FBXO34: variants seen among roughly 807,000 people sequenced by gnomAD.
FBXO34 encodes F-box protein 34, also known as F-box only protein 34.
A neutral mutation model predicts 24.5 loss-of-function variants in FBXO34; 12 were observed. That is an observed-to-expected ratio of 0.49 (90% CI 0.31 to 0.79). The LOEUF is 0.79. Ranked by LOEUF, FBXO34 falls within the 30% of genes least tolerant of loss-of-function variation. The pLI, the probability that FBXO34 is intolerant of heterozygous loss-of-function variation, is 0.04. For synonymous variants in FBXO34, 320 were observed against 311.9 expected, an observed-to-expected ratio of 1.03 and a Z score of -0.27; for missense variants, 823 against 857.7, an observed-to-expected ratio of 0.96 and a Z score of 0.51.
intron 1 of FBXO34, among the ~76,000 whole-genome samples, chr14:55,313,889 C>G (rs1016195215): frequency 6.6e-6 from 1 of 152,056 alleles, no homozygotes; most frequent in Non-Finnish European, 1.5e-5. Context: ...AAAGCCTAAC[C>G]ATATCACATA....
chr14:55,336,557 T>G (rs760636488), intron 1 of FBXO34, among the ~76,000 whole-genome samples: 4 of 152,184 alleles, frequency 2.6e-5, no homozygotes, highest in Non-Finnish European at 4.4e-5. Context: ...GTTCTCCTTT[T>G]TAAAAACCAA....
At position 55,352,273 on chromosome 14, in the gene FBXO34, G is replaced by C; in HGVS notation, c.1883G>C (p.Arg628Thr). 1 of 1,614,210 alleles carries C rather than the reference G, an allele frequency of 6.2e-7. No individual in the cohort carries two copies. Among genetic ancestry groups the C allele is most frequent in the Non-Finnish European group, 8.5e-7 (1 of 1,180,032 alleles). Residue 628 changes from arginine (R) to threonine (T), a missense_variant, in exon 2 of 2, where the codon AGA (arginine) becomes ACA (threonine). Around this residue, in one of 2 missense-constraint regions of FBXO34, gnomAD observed 130 missense variants for 198.6 expected, o/e 0.65. Coordinates refer to ENST00000313833, the MANE Select transcript of FBXO34 (RefSeq NM_017943.4). Reference sequence around the variant, plus strand: ...CGCTGGGTTCGAGATCCACGCTATAGAGAGGATCCTTGCAAACAGTGCAAG... The same window carrying C: ...CGCTGGGTTCGAGATCCACGCTATACAGAGGATCCTTGCAAACAGTGCAAG... Reference protein sequence around the residue: ...DSRWVRDPRYREDPCKQCKKK... With the variant: ...DSRWVRDPRYTEDPCKQCKKK...
chr14:55,397,388 C>T, the FBXO34 span: 2 of 1,613,428 alleles, frequency 1.2e-6, no homozygotes, highest in Non-Finnish European at 1.7e-6. Context: ...TGAAATTCTT[C>T]TTGCTTGCTC....
At chr14:55,342,475 C>T (rs1028841695) in intron 1 of FBXO34, among the ~76,000 whole-genome samples, 7 of 152,072 alleles carry the variant, frequency 4.6e-5, no homozygotes, top group Admixed American at 1.3e-4. Context: ...AAAAGTCATC[C>T]CCCAATATTT....
the FBXO34 span, among the ~76,000 whole-genome samples, chr14:55,442,569 T>C: frequency 6.6e-6 from 1 of 152,200 alleles, no homozygotes. Context: ...AAGCACATTA[T>C]AGTAGAGACA....
intron 1 of FBXO34, among the ~76,000 whole-genome samples, chr14:55,306,211 T>C (rs898059151): frequency 6.6e-6 from 1 of 152,238 alleles, no homozygotes; most frequent in East Asian, 1.9e-4. Context: ...TGGACTTCAT[T>C]ATGATTAGGG....
At chr14:55,442,720 C>CGTT in the FBXO34 span, among the ~76,000 whole-genome samples, 19 of 92,690 alleles carry the variant, frequency 2.0e-4, no homozygotes, top group Admixed American at 2.4e-3. Context: ...ATAACCTACA[C>CGTT]ATTTTTTTAG....
At chr14:55,408,604 C>G in the FBXO34 span, among the ~76,000 whole-genome samples, 1 of 152,064 alleles carries the variant, frequency 6.6e-6, no homozygotes, top group Admixed American at 6.6e-5. Context: ...GACCCTGTCT[C>G]TACAAAAAAT....
intron 1 of FBXO34, among the ~76,000 whole-genome samples, chr14:55,279,384 C>T (rs1310976498): frequency 6.6e-6 from 1 of 151,604 alleles, no homozygotes; most frequent in Non-Finnish European, 1.5e-5. Flanking sequence ...AACGAAAGAT[C>T]ATGTGATAGG....
intron 1 of FBXO34, among the ~76,000 whole-genome samples, chr14:55,304,026 G>A (rs7148171): frequency 6.6e-6 from 1 of 152,018 alleles, no homozygotes; most frequent in South Asian, 2.1e-4. Flanking sequence ...CCATCTGATA[G>A]AGGGAAAGAA....
At chr14:55,405,782 ATTC>A in the FBXO34 span, among the ~76,000 whole-genome samples, 2 of 150,674 alleles carry the variant, frequency 1.3e-5, no homozygotes, top group Non-Finnish European at 3.0e-5. Flanking sequence ...GCCTAATATC[ATTC>A]TTCTTCTTCA....
In FBXO34 at chr14:55,331,695, A is replaced by G. The variant is rs1298869203; in HGVS notation, c.-10-18686A>G. Among the ~76,000 whole-genome samples the G allele has an allele frequency of 7.5e-5, 5 of 66,828 alleles. 2 individuals are homozygous for G. The highest frequency in any genetic ancestry group is 3.8e-4 in the East Asian group (1 of 2,600). 43.8% of individuals were successfully genotyped at this position (66,828 alleles called of 152,430 possible). A position where few individuals can be genotyped will look rare whatever the true frequency, so the allele number is the denominator to read the frequency against. ...TGTATATATATATATGTGTATATAT[A>G]TATATATATGTATATATATATGTAT... is the stretch of plus-strand genomic sequence containing the variant. On this transcript the variant is annotated intron_variant, in intron 1 of 1. Coordinates refer to ENST00000313833, the MANE Select transcript of FBXO34 (RefSeq NM_017943.4).
the FBXO34 span, among the ~76,000 whole-genome samples, chr14:55,442,253 G>A: frequency 6.6e-6 from 1 of 151,544 alleles, no homozygotes; most frequent in Non-Finnish European, 1.5e-5. Context: ...GCTGGGCATG[G>A]TAGTGTGCGC....
chr14:55,332,422 C>T (rs558393328), intron 1 of FBXO34, among the ~76,000 whole-genome samples: 5 of 152,166 alleles, frequency 3.3e-5, no homozygotes, highest in South Asian at 2.1e-4. Flanking sequence ...AAGTGTGAAC[C>T]GAGGTCTGGA....
At position 55,351,065 on chromosome 14, in the gene FBXO34, T is replaced by C. The variant is rs759192782; in HGVS notation, c.675T>C (p.Cys225=). ...GAGCCAGTGCTCTGCTAGCTAGCTG[T>C]TCAAAAAACTGCACAAACTCACCTG... ...EQRASALLAS[C]SKNCTNSPAI... is the part of the protein sequence containing the mutation. Residue 225 remains cysteine, a synonymous_variant, in exon 2 of 2, where the codon TGT becomes TGC. Transcript: ENST00000313833. 2 of 1,614,200 alleles carry C rather than the reference T, an allele frequency of 1.2e-6. No homozygotes were observed. Among genetic ancestry groups the C allele is most frequent in the South Asian group, 2.2e-5 (2 of 91,074 alleles).
At chr14:55,284,580 C>T (rs1223402488) in intron 1 of FBXO34, among the ~76,000 whole-genome samples, 1 of 146,674 alleles carries the variant, frequency 6.8e-6, no homozygotes, top group African/African-American at 2.5e-5. Context: ...GGGACCTAGC[C>T]TCTGGATTTT....
Position 55,351,868 on chromosome 14 carries a change from A to T in FBXO34, c.1478A>T (p.Asp493Val), listed in dbSNP as rs1409998809. The T allele has an allele frequency of 6.2e-7, 1 of 1,614,226 alleles. No homozygotes were observed. The highest frequency in any genetic ancestry group is 1.7e-5 in the Admixed American group (1 of 60,028). The change falls in exon 2 of 2, where the codon GAC becomes GTC. Residue 493 changes from aspartate (D) to valine (V), a missense_variant. Coordinates refer to ENST00000313833, the MANE Select transcript of FBXO34 (RefSeq NM_017943.4). ...FFLPPGQHLS[D>V]YSQLNESTTK... ...TTGCCACCTGGTCAGCACTTGTCAGACTATTCCCAGTTGAATGAAAGCACA... is the reference window on the plus strand; with the variant it reads ...TTGCCACCTGGTCAGCACTTGTCAGTCTATTCCCAGTTGAATGAAAGCACA...
the FBXO34 span, chr14:55,397,501 T>C: frequency 1.6e-6 from 2 of 1,248,856 alleles, no homozygotes; most frequent in Admixed American, 1.8e-5. Context: ...ACTATGCAAA[T>C]TCCCAAGAAC....
At chr14:55,312,491 G>A (rs1032746066) in intron 1 of FBXO34, among the ~76,000 whole-genome samples, 2 of 152,178 alleles carry the variant, frequency 1.3e-5, no homozygotes, top group Non-Finnish European at 2.9e-5. Context: ...GACTCTGTGT[G>A]GGGGCTTCAA....
Sources: allele counts gnomAD v4.1 joint callset (sites outside exome capture counted in the v4.1 genomes callset), GRCh38; gene constraint gnomAD v4.1.1; regional missense constraint gnomAD v4.1.1; transcripts MANE v1.5; gene names NCBI Gene and HGNC (gene_info 2026-07-23, HGNC 2026-07-21).